UNC79: variants seen among roughly 807,000 people sequenced by gnomAD.
The protein encoded by UNC79 is unc-79 subunit of NALCN channel complex, also known as protein unc-79 homolog.
A neutral mutation model predicts 283.1 loss-of-function variants in UNC79; 37 were observed. That is an observed-to-expected ratio of 0.13 (90% confidence interval 0.10 to 0.17). The LOEUF (loss-of-function observed/expected upper bound fraction) is 0.17, where lower values mean the gene tolerates loss of function less well. Ranked by LOEUF, UNC79 falls within the 10% of genes least tolerant of loss-of-function variation. The pLI is 1.00. For synonymous variants in UNC79, 1,107 were observed against 1,200.2 expected (o/e 0.92, Z 1.61); for missense variants, 2,272 against 3,211.1 (o/e 0.71, Z 7.07).
At chr14:93,607,494 A>G (rs1479262653) in intron 26 of UNC79, among the ~76,000 whole-genome samples, 2 of 152,274 alleles carry the variant, frequency 1.3e-5, no homozygotes, top group East Asian at 3.9e-4. Flanking sequence ...CTTTCTTTCT[A>G]CCACAACTAC....
chr14:93,635,368 T>G (rs2068420166), intron 31 of UNC79, among the ~76,000 whole-genome samples: 1 of 152,198 alleles, frequency 6.6e-6, no homozygotes, highest in Non-Finnish European at 1.5e-5. Flanking sequence ...AGATTCTATA[T>G]GTGAAAACAC....
chr14:93,610,831 A>G (rs890043137), intron 26 of UNC79, among the ~76,000 whole-genome samples: 2 of 152,072 alleles, frequency 1.3e-5, no homozygotes, highest in Non-Finnish European at 2.9e-5. Flanking sequence ...GGCTGGTCTC[A>G]AACTCCTGGG....
intron 1 of UNC79, among the ~76,000 whole-genome samples, chr14:93,341,774 C>T (rs1370185764): frequency 6.6e-6 from 1 of 152,150 alleles, no homozygotes; most frequent in Non-Finnish European, 1.5e-5. Flanking sequence ...ATGAACCCCT[C>T]CTCTCTGCCA....
At chr14:93,420,583 T>G (rs1344413150) in intron 1 of UNC79, among the ~76,000 whole-genome samples, 1 of 151,838 alleles carries the variant, frequency 6.6e-6, no homozygotes, top group Non-Finnish European at 1.5e-5. Flanking sequence ...ACACTGGACT[T>G]AATCTGCACT....
At chr14:93,417,781 A>G (rs1442580281) in intron 1 of UNC79, among the ~76,000 whole-genome samples, 1 of 151,768 alleles carries the variant, frequency 6.6e-6, no homozygotes, top group African/African-American at 2.4e-5. Flanking sequence ...TTCATCTTCC[A>G]TCACTGATAC....
chr14:93,455,939 T>C (rs1405446607), intron 1 of UNC79, among the ~76,000 whole-genome samples: 6 of 151,504 alleles, frequency 4.0e-5, no homozygotes, highest in Admixed American at 1.3e-4. Flanking sequence ...TGTGTGTGTG[T>C]GTGTGTATGT....
chr14:93,552,558 C>T (rs1165842580), intron 14 of UNC79, among the ~76,000 whole-genome samples: 11 of 152,156 alleles, frequency 7.2e-5, no homozygotes, highest in Non-Finnish European at 1.6e-4. Flanking sequence ...GTATATTATA[C>T]TCTTTTTCTC....
chr14:93,663,602 C>T (rs1459804442), intron 40 of UNC79, among the ~76,000 whole-genome samples: 1 of 152,020 alleles, frequency 6.6e-6, no homozygotes, highest in Non-Finnish European at 1.5e-5. Context: ...CCTTTCTTAC[C>T]AACTTGGGTC....
At chr14:93,646,735 T>C in intron 35 of UNC79, 89 bp downstream of exon 38, 1 of 1,452,458 alleles carries the variant, frequency 6.9e-7, no homozygotes, top group Non-Finnish European at 9.6e-7. Context: ...TGGGGCTGGG[T>C]GCAGTGGCTC....
At chr14:93,532,417 C>G (rs983630607) in intron 10 of UNC79, 133 bp from the exon 11 acceptor site, 1 of 1,027,142 alleles carries the variant, frequency 9.7e-7, no homozygotes, top group Non-Finnish European at 1.4e-6. Context: ...CTGTGGTGGG[C>G]TATGATGGTG....
exon 30 of UNC79, chr14:93,622,044 A>G: frequency 6.2e-7 from 1 of 1,614,106 alleles, no homozygotes. Flanking sequence ...CCTAAAGAGG[A>G]TTTAGATCTG....
chr14:93,340,286 T>C (rs2053676200), intron 1 of UNC79, among the ~76,000 whole-genome samples: 2 of 151,768 alleles, frequency 1.3e-5, no homozygotes, highest in Admixed American at 6.6e-5. Context: ...ACTAAAAATA[T>C]AAAAAATTAG....
Position 93,613,046 on chromosome 14 carries a change from C to A in UNC79, c.4004C>A (p.Ser1335Ter). ...ATTGCACCTCAAAAAATGCGCCTGT[C>A]AACTTGCTTTAATGCATTCATTGCA... Residue 1335 changes from serine to a stop codon, truncating the protein, a stop_gained, in exon 27 of 49, where the codon TCA becomes TAA. Coordinates refer to ENST00000555664, the Ensembl canonical transcript of UNC79. LOFTEE classifies it high-confidence loss of function. The A allele has an allele frequency of 6.2e-7, 1 of 1,614,208 alleles. No homozygotes were observed. The highest frequency in any genetic ancestry group is 8.5e-7 in the Non-Finnish European group (1 of 1,180,032).
At chr14:93,539,288 C>G (rs1029769250) in intron 12 of UNC79, among the ~76,000 whole-genome samples, 1 of 148,750 alleles carries the variant, frequency 6.7e-6, no homozygotes, top group South Asian at 2.2e-4. Flanking sequence ...TTTGAGAGAC[C>G]GAGGCGGGTG....
chr14:93,515,380 A>G (rs2060008957), intron 7 of UNC79, among the ~76,000 whole-genome samples: 1 of 151,828 alleles, frequency 6.6e-6, no homozygotes, highest in Non-Finnish European at 1.5e-5. Context: ...CTGATGACTC[A>G]GTGTTCTGGA....
intron 26 of UNC79, among the ~76,000 whole-genome samples, chr14:93,607,491 T>C (rs1190245851): frequency 6.6e-6 from 1 of 152,226 alleles, no homozygotes; most frequent in African/African-American, 2.4e-5. Context: ...TTTCTTTCTT[T>C]CTACCACAAC....
At chr14:93,530,501 A>T (rs910737527) in intron 10 of UNC79, among the ~76,000 whole-genome samples, 3 of 152,150 alleles carry the variant, frequency 2.0e-5, no homozygotes, top group Non-Finnish European at 4.4e-5. Flanking sequence ...AGTCCCAGCT[A>T]CTTGAGAGTC....
intron 19 of UNC79, 56 bp downstream of exon 19, chr14:93,580,432 A>ACATCAGCTACT: frequency 6.6e-7 from 1 of 1,511,028 alleles, no homozygotes; most frequent in East Asian, 2.3e-5. Context: ...AGACTGCAGT[A>ACATCAGCTACT]GCTGATGTAA....
rs113662387 is a variant in UNC79, at chr14:93,624,697, T to C, written c.5608+1856T>C. The stretch of plus-strand genomic sequence containing the variant: ...GCATAATATTATTTTACTGTCATCA[T>C]AATTGTATGTCTCCATAAGGCTTTG... On this transcript the variant is annotated intron_variant, in intron 30 of 48. Coordinates refer to ENST00000555664, the Ensembl canonical transcript of UNC79. Among the ~76,000 whole-genome samples the C allele has an allele frequency of 9.6e-3, 1,464 of 152,328 alleles. 26 individuals are homozygous for C. The highest frequency in any genetic ancestry group is 0.033 in the African/African-American group (1,372 of 41,558).
Sources: gnomAD v4.1 joint callset for allele counts (sites outside exome capture counted in the v4.1 genomes callset) on GRCh38, gnomAD v4.1.1 for gene constraint, MANE v1.5 for transcripts, NCBI Gene and HGNC (gene_info 2026-07-23, HGNC 2026-07-21) for gene names.